The following GPM6B variants were observed in gnomAD, a reference collection of about 807,000 sequenced individuals.
The protein encoded by GPM6B is glycoprotein M6B, also known as neuronal membrane glycoprotein M6-b.
Under a neutral mutation model 27.2 loss-of-function variants are expected in GPM6B, and 4 were observed. The observed-to-expected ratio is 0.15, with a 90% confidence interval of 0.07 to 0.34. GPM6B has a LOEUF of 0.34. Among genes scored for constraint, GPM6B ranks in the 10% least tolerant of loss-of-function variants. The pLI, the probability that GPM6B is intolerant of heterozygous loss-of-function variation, is 1.00. For missense variants in GPM6B, 183 were observed against 261.9 expected, an observed-to-expected ratio of 0.70 and a Z score of 2.08; for synonymous variants, 124 against 103.1, an observed-to-expected ratio of 1.20 and a Z score of -1.23.
At chrX:13,794,407 T>C (rs1432914468) in intron 2 of GPM6B, among the ~76,000 whole-genome samples, 1 of 111,252 alleles carries the variant, frequency 9.0e-6, no homozygotes, top group African/African-American at 3.3e-5. Flanking sequence ...GGAAAGGACA[T>C]TGAGCTCCCA....
intron 1 of GPM6B, among the ~76,000 whole-genome samples, chrX:13,826,149 A>G (rs2049369118): frequency 9.0e-6 from 1 of 111,131 alleles, no homozygotes; most frequent in Admixed American, 9.6e-5. Flanking sequence ...TTTATGGGTG[A>G]CAAAACGGAA....
intron 2 of GPM6B, among the ~76,000 whole-genome samples, chrX:13,798,272 C>T (rs2048853174): frequency 9.1e-6 from 1 of 109,518 alleles, no homozygotes; most frequent in Non-Finnish European, 1.9e-5. Context: ...TGATGGGAAC[C>T]CTCCAGGCAG....
chrX:13,795,742 C>CTTT (rs146240939), intron 2 of GPM6B, among the ~76,000 whole-genome samples: 8 of 82,792 alleles, frequency 9.7e-5, no homozygotes, highest in African/African-American at 1.4e-4. Flanking sequence ...AATTTCTTTT[C>CTTT]TTTTTTTTTT....
At chrX:13,849,405 A>C (rs1279213963) in intron 1 of GPM6B, among the ~76,000 whole-genome samples, 1 of 112,711 alleles carries the variant, frequency 8.9e-6, no homozygotes, top group African/African-American at 3.2e-5. Flanking sequence ...ACTGCCTTAC[A>C]TTACATTCAC....
intron 1 of GPM6B, among the ~76,000 whole-genome samples, chrX:13,828,977 G>A (rs1320470878): frequency 9.0e-6 from 1 of 111,529 alleles, no homozygotes; most frequent in Non-Finnish European, 1.9e-5. Context: ...TGCCAGAGTA[G>A]GGAAACCAAG....
At chrX:13,812,724 A>T (rs927299013) in intron 1 of GPM6B, 1 of 111,208 alleles carries the variant, frequency 9.0e-6, no homozygotes, top group Non-Finnish European at 1.9e-5. Flanking sequence ...AATCATAATA[A>T]TCTTAATTCA....
chrX:13,922,077 T>C (rs1444281457), intron 1 of GPM6B, among the ~76,000 whole-genome samples: 3 of 111,635 alleles, frequency 2.7e-5, no homozygotes, highest in East Asian at 5.6e-4. Context: ...GGCCCTGTTT[T>C]ACCTAGTCCT....
At chrX:13,903,365 CT>C (rs1477924518) in intron 1 of GPM6B, among the ~76,000 whole-genome samples, 1 of 112,039 alleles carries the variant, frequency 8.9e-6, no homozygotes, top group Non-Finnish European at 1.9e-5. Context: ...ACTCCAGGCA[CT>C]TTTCTTAGAG....
chrX:13,907,405 T>G (rs183963843), intron 1 of GPM6B, among the ~76,000 whole-genome samples: 1,421 of 112,534 alleles, frequency 0.013, 8 homozygotes, highest in Non-Finnish European at 0.02. Flanking sequence ...TAAATTCGGC[T>G]GGGCACAGTG....
intron 2 of GPM6B, among the ~76,000 whole-genome samples, chrX:13,798,875 C>G (rs1456557740): frequency 1.8e-5 from 2 of 112,474 alleles, no homozygotes; most frequent in Non-Finnish European, 3.8e-5. Context: ...CCACTAGATG[C>G]CTAAAAGGCA....
intron 2 of GPM6B, among the ~76,000 whole-genome samples, chrX:13,789,005 C>T (rs1426667868): frequency 9.0e-6 from 1 of 111,532 alleles, no homozygotes; most frequent in African/African-American, 3.3e-5. Flanking sequence ...CTGTAGGAAC[C>T]CTGGCTCCTA....
intron 1 of GPM6B, among the ~76,000 whole-genome samples, chrX:13,864,920 A>G (rs1411497087): frequency 8.9e-6 from 1 of 112,263 alleles, no homozygotes; most frequent in Non-Finnish European, 1.9e-5. Context: ...TATACATACA[A>G]TAAAGTTTCA....
intron 1 of GPM6B, among the ~76,000 whole-genome samples, chrX:13,880,920 T>TTC (rs2050090941): frequency 9.1e-6 from 1 of 110,208 alleles, no homozygotes; most frequent in Non-Finnish European, 1.9e-5. Context: ...CAACCTGCCG[T>TTC]TCCCTGGGCT....
intron 1 of GPM6B, among the ~76,000 whole-genome samples, chrX:13,857,382 T>C (rs1012303818): frequency 8.9e-6 from 1 of 112,050 alleles, no homozygotes; most frequent in African/African-American, 3.3e-5. Flanking sequence ...AGAATCCATA[T>C]AAAGAAGCCA....
intron 1 of GPM6B, among the ~76,000 whole-genome samples, chrX:13,909,120 CTTTTT>C (rs368081524): frequency 7.4e-4 from 52 of 69,815 alleles, no homozygotes; most frequent in Admixed American, 1.4e-3. Flanking sequence ...TGTTCATATC[CTTTTT>C]TTTTTTTTTT....
Position 13,785,790 on chromosome X carries a change from A to G in GPM6B, c.200T>C (p.Ile67Thr), listed in dbSNP as rs1263231840. The change falls in exon 3 of 8, where the codon ATC becomes ACC. Residue 67 changes from isoleucine to threonine, a missense_variant. Physicochemically the swap from Ile to Thr is moderately conservative, Grantham distance 89. Coordinates refer to ENST00000316715, the MANE Select transcript of GPM6B (RefSeq NM_001001995.3). ...LSSPGCFECC[I>T]KCLGGVPYAS... The stretch of plus-strand genomic sequence containing the variant: ...GTAGGGGACTCCTCCCAGACACTTG[A>G]TGCAGCATTCAAAGCAGCCTGAACC... 8.3e-7 allele frequency: 1 copy of G among 1,209,504 alleles called. No individual in the cohort carries two copies. Among genetic ancestry groups the G allele is most frequent in the Non-Finnish European group, 1.1e-6 (1 of 893,720 alleles).
intron 5 of GPM6B, among the ~76,000 whole-genome samples, chrX:13,777,773 C>T (rs2048441370): frequency 8.9e-6 from 1 of 112,248 alleles, no homozygotes; most frequent in African/African-American, 3.2e-5. Flanking sequence ...ACAACCCCCT[C>T]ATAAAGCATT....
intron 2 of GPM6B, among the ~76,000 whole-genome samples, chrX:13,799,402 ATTTTTT>A (rs377057396): frequency 7.4e-4 from 47 of 63,807 alleles, no homozygotes; most frequent in Non-Finnish European, 1.2e-3. Flanking sequence ...TATTATTATT[ATTTTTT>A]TTTTAGTAGA....
chrX:13,829,503 T>C (rs1354515673), intron 1 of GPM6B, among the ~76,000 whole-genome samples: 1 of 111,519 alleles, frequency 9.0e-6, no homozygotes, highest in Non-Finnish European at 1.9e-5. Context: ...GAGGAAAGAC[T>C]AGCTGGTGAT....
Sources: allele counts gnomAD v4.1 joint callset (sites outside exome capture counted in the v4.1 genomes callset), GRCh38; gene constraint gnomAD v4.1.1; transcripts MANE v1.5; gene names NCBI Gene and HGNC (gene_info 2026-07-23, HGNC 2026-07-21).